The following AMPD3 variants were observed in gnomAD, a reference collection of about 807,000 sequenced individuals.
AMPD3 encodes AMP deaminase 3.
In AMPD3, 57 loss-of-function variants were observed where a neutral mutation model predicts 82.3. The observed-to-expected ratio is 0.69, with a 90% CI of 0.56 to 0.86. AMPD3 has a LOEUF of 0.86. AMPD3 is among the 40% of genes least tolerant of loss of function. AMPD3 has a pLI of 0.00. For missense variants in AMPD3, 870 were observed against 1,003.8 expected, an observed-to-expected ratio of 0.87 and a Z score of 1.80; for synonymous variants, 381 against 394.7, an observed-to-expected ratio of 0.97 and a Z score of 0.41.
chr11:10,492,414 T>G (rs1255093336), intron 6 of AMPD3, among the ~76,000 whole-genome samples: 1 of 151,794 alleles, frequency 6.6e-6, no homozygotes, highest in African/African-American at 2.4e-5. Flanking sequence ...CAAGGAAGGG[T>G]GTGTTTGGAG....
At chr11:10,488,287 G>A (rs780036960) in intron 6 of AMPD3, 17 of 985,342 alleles carry the variant, frequency 1.7e-5, no homozygotes, top group Non-Finnish European at 2.0e-5. Flanking sequence ...GGCAGGGGGT[G>A]TTTGATGGTG....
chr11:10,462,828 A>G (rs564026284), intron 2 of AMPD3, among the ~76,000 whole-genome samples: 6 of 152,222 alleles, frequency 3.9e-5, no homozygotes, highest in Non-Finnish European at 8.8e-5. Context: ...TTCAGGGTAT[A>G]AAGAAGCTAG....
intron 2 of AMPD3, among the ~76,000 whole-genome samples, chr11:10,462,812 G>T (rs919095531): frequency 6.6e-6 from 1 of 152,206 alleles, no homozygotes; most frequent in Non-Finnish European, 1.5e-5. Flanking sequence ...ACATCTTAGC[G>T]GATGCTTCAG....
At chr11:10,455,566 G>A (rs1443791451) in intron 1 of AMPD3, 118 bp downstream of exon 1, 7 of 476,292 alleles carry the variant, frequency 1.5e-5, no homozygotes, top group Non-Finnish European at 1.9e-5. Flanking sequence ...GCAGTCACCT[G>A]TGATGTGGGC....
intron 6 of AMPD3, chr11:10,488,475 C>A (rs1004599543): frequency 5.7e-6 from 1 of 174,858 alleles, no homozygotes; most frequent in Non-Finnish European, 6.9e-6. Context: ...ATGAGAGAGT[C>A]GAGAGAGTCA....
chr11:10,466,937 G>A (rs1307460682), intron 2 of AMPD3, among the ~76,000 whole-genome samples: 1 of 152,180 alleles, frequency 6.6e-6, no homozygotes, highest in Non-Finnish European at 1.5e-5. Flanking sequence ...TCTAGCAGAG[G>A]GGTCTGATTG....
intron 3 of AMPD3, among the ~76,000 whole-genome samples, chr11:10,480,745 T>G (rs1848880108): frequency 6.6e-6 from 1 of 152,184 alleles, no homozygotes; most frequent in Non-Finnish European, 1.5e-5. Context: ...TTGGTGCCTG[T>G]CTGTATGTTT....
At chr11:10,496,331 A>G (rs112131065) in intron 9 of AMPD3, 1 of 985,382 alleles carries the variant, frequency 1.0e-6, no homozygotes, top group Non-Finnish European at 1.2e-6. Flanking sequence ...GGTGAGCCCC[A>G]GGGTATGGGG....
chr11:10,474,024 C>G (rs530408865), intron 2 of AMPD3, among the ~76,000 whole-genome samples: 8 of 152,210 alleles, frequency 5.3e-5, no homozygotes, highest in African/African-American at 1.9e-4. Flanking sequence ...AAATGTCCCC[C>G]CTCTGACCCC....
At chr11:10,504,896 CCA>C (rs1849675479) in intron 14 of AMPD3, among the ~76,000 whole-genome samples, 1 of 152,216 alleles carries the variant, frequency 6.6e-6, no homozygotes, top group Non-Finnish European at 1.5e-5. Flanking sequence ...TCTAAAATAG[CCA>C]CACACTTGCT....
At chr11:10,500,626 TGCACG>T in intron 11 of AMPD3, 1 of 985,492 alleles carries the variant, frequency 1.0e-6, no homozygotes, top group South Asian at 4.7e-5. Context: ...CTATCACACA[TGCACG>T]GTCACTTACT....
At chr11:10,500,510 C>T in intron 11 of AMPD3, 1 of 749,886 alleles carries the variant, frequency 1.3e-6, no homozygotes, top group Non-Finnish European at 1.6e-6. Flanking sequence ...GTACAGTATG[C>T]AATGCAGCCA....
At position 10,496,821 on chromosome 11, in the gene AMPD3, T is replaced by G; in HGVS notation, c.1440T>G (p.Phe480Leu). The G allele has an allele frequency of 6.2e-7, 1 of 1,614,140 alleles. No homozygotes were observed. The highest frequency in any genetic ancestry group is 2.2e-5 in the East Asian group (1 of 44,878). The change falls in exon 10 of 15, where the codon TTT becomes TTG. Residue 480 changes from phenylalanine to leucine, a missense_variant. Physicochemically the swap from Phe to Leu is conservative, Grantham distance 22. Coordinates refer to ENST00000396553, the MANE Select transcript of AMPD3 (RefSeq NM_001025389.2). The part of the protein sequence containing the change: ...IIQVPRIYDI[F>L]RSKKLLPNFG... Reference sequence around the variant, plus strand: ...CTTTGCTGTCCCCCAGTGACATATTTAGGTCAAAGAAGCTGCTGCCAAACT... The same window carrying G: ...CTTTGCTGTCCCCCAGTGACATATTGAGGTCAAAGAAGCTGCTGCCAAACT...
upstream of AMPD3, among the ~76,000 whole-genome samples, chr11:10,452,327 G>A (rs2133799912): frequency 6.6e-6 from 1 of 152,168 alleles, no homozygotes; most frequent in Admixed American, 6.5e-5. Flanking sequence ...CTGCCCATTG[G>A]CCTCCATGAT....
intron 10 of AMPD3, among the ~76,000 whole-genome samples, chr11:10,498,030 A>G (rs1849469884): frequency 6.6e-6 from 1 of 152,226 alleles, no homozygotes; most frequent in African/African-American, 2.4e-5. Flanking sequence ...AAATTAAAAC[A>G]GATCATAAAG....
chr11:10,451,001 C>T (rs1847946781), upstream of AMPD3: 3 of 1,576,638 alleles, frequency 1.9e-6, no homozygotes, highest in Admixed American at 1.7e-5. Context: ...AGCCCTGCGG[C>T]CGTCCCTTTC....
chr11:10,472,915 A>G (rs1848635901), intron 2 of AMPD3, among the ~76,000 whole-genome samples: 1 of 152,086 alleles, frequency 6.6e-6, no homozygotes, highest in African/African-American at 2.4e-5. Context: ...GAGGCAGGAG[A>G]ATTGCTTGAA....
In AMPD3 at chr11:10,496,914, A is replaced by G; in HGVS notation, c.1533A>G (p.Arg511=). ...CCACTATCAACCCCCAAGATCATCG[A>G]GAGCTTCACCTCTTCCTTAAATATG... The part of the protein sequence containing the change: ...FKATINPQDH[R]ELHLFLKYVT... Residue 511 remains arginine (R), a synonymous_variant, in exon 10 of 15, where the codon CGA becomes CGG. Transcript: ENST00000396553. 6.2e-7 allele frequency: 1 copy of G among 1,614,070 alleles called. No individual in the cohort carries two copies. Among genetic ancestry groups the G allele is most frequent in the Non-Finnish European group, 8.5e-7 (1 of 1,179,968 alleles).
chr11:10,493,137 G>C (rs1034791702), intron 6 of AMPD3, among the ~76,000 whole-genome samples: 3 of 152,190 alleles, frequency 2.0e-5, no homozygotes, highest in African/African-American at 7.2e-5. Context: ...TCCTGGTGCT[G>C]TAAGGAGGTG....
Sources: gnomAD v4.1 joint callset for allele counts (sites outside exome capture counted in the v4.1 genomes callset) on GRCh38, gnomAD v4.1.1 for gene constraint, MANE v1.5 for transcripts, NCBI Gene and HGNC (gene_info 2026-07-23, HGNC 2026-07-21) for gene names.